The following SLC30A8 variants were observed in gnomAD, a reference collection of about 807,000 sequenced individuals.
SLC30A8 encodes solute carrier family 30 member 8.
SLC30A8 carries 27 observed loss-of-function variants against 36.9 expected under a neutral mutation model. The observed-to-expected ratio is 0.73, with a 90% confidence interval of 0.54 to 1.01. The LOEUF (loss-of-function observed/expected upper bound fraction) is 1.01. Ranked by LOEUF, SLC30A8 falls within the 50% of genes least tolerant of loss-of-function variation. The probability of loss-of-function intolerance (pLI) is 0.00; values close to 1 mark genes in which losing one functional copy is unlikely to be tolerated. For missense variants in SLC30A8, 439 were observed against 452.0 expected (o/e 0.97, Z 0.26); for synonymous variants, 164 against 172.4 (o/e 0.95, Z 0.38).
chr8:116,969,313 G>A (rs1053112980), intron 1 of SLC30A8, among the ~76,000 whole-genome samples: 8 of 152,284 alleles, frequency 5.3e-5, no homozygotes, highest in African/African-American at 1.9e-4. Flanking sequence ...AGCTATTCGG[G>A]AGGCTGAGGC....
intron 1 of SLC30A8, among the ~76,000 whole-genome samples, chr8:117,137,659 C>T (rs986771883): frequency 6.6e-6 from 1 of 151,946 alleles, no homozygotes; most frequent in Non-Finnish European, 1.5e-5. Flanking sequence ...GGTCTTAATT[C>T]TTCTTCCCAT....
At chr8:116,996,603 A>G (rs549868034) in intron 1 of SLC30A8, among the ~76,000 whole-genome samples, 1 of 152,162 alleles carries the variant, frequency 6.6e-6, no homozygotes, top group South Asian at 2.1e-4. Flanking sequence ...CTCCCTGAGC[A>G]GGAAGGGTGA....
intron 2 of SLC30A8, among the ~76,000 whole-genome samples, chr8:117,119,356 C>T (rs955798131): frequency 1.3e-5 from 2 of 151,780 alleles, no homozygotes; most frequent in Non-Finnish European, 2.9e-5. Flanking sequence ...TGCTTTTTTC[C>T]CCCATCTTCA....
chr8:117,084,316 A>G (rs539350296), intron 2 of SLC30A8, among the ~76,000 whole-genome samples: 1 of 152,300 alleles, frequency 6.6e-6, no homozygotes, highest in South Asian at 2.1e-4. Flanking sequence ...CTGGTACCAC[A>G]TTAGGAAACC....
At chr8:117,072,570 T>C (rs1158111529) in intron 2 of SLC30A8, among the ~76,000 whole-genome samples, 2 of 152,220 alleles carry the variant, frequency 1.3e-5, no homozygotes, top group Non-Finnish European at 2.9e-5. Context: ...TATTTCTTTC[T>C]TACTTTAAGT....
chr8:117,090,262 A>G (rs757932079), intron 2 of SLC30A8, among the ~76,000 whole-genome samples: 1 of 152,120 alleles, frequency 6.6e-6, no homozygotes, highest in Non-Finnish European at 1.5e-5. Context: ...GCACCTGGCC[A>G]ACTCCTAATA....
chr8:117,152,171 A>C (rs1230227763), intron 2 of SLC30A8, among the ~76,000 whole-genome samples: 6 of 152,246 alleles, frequency 3.9e-5, no homozygotes, highest in Non-Finnish European at 7.3e-5. Flanking sequence ...TAGTAAGAGC[A>C]ATAAAGGTTA....
intron 2 of SLC30A8, among the ~76,000 whole-genome samples, chr8:117,043,866 G>A (rs1817464694): frequency 6.6e-6 from 1 of 152,196 alleles, no homozygotes; most frequent in Non-Finnish European, 1.5e-5. Flanking sequence ...ATTTCAGTAT[G>A]TTTTTTAGTT....
chr8:116,952,575 G>C lies in SLC30A8; in HGVS notation c.-266+1456G>C, dbSNP rs368414352. Among the ~76,000 whole-genome samples, 7 of 152,178 alleles carry C rather than the reference G, an allele frequency of 4.6e-5. No individual in the cohort carries two copies. In the East Asian group the frequency reaches 1.2e-3, roughly 25 times the overall value. On this transcript the variant is annotated intron_variant, in intron 1 of 10. Coordinates refer to the SLC30A8 transcript ENST00000427715. ...TTCTCCTGCCTCAGCCTCCCGAGTAGCTGGGATTACAGGTGCTCACCACCA... is the reference window on the plus strand; with the variant it reads ...TTCTCCTGCCTCAGCCTCCCGAGTACCTGGGATTACAGGTGCTCACCACCA...
At chr8:116,991,208 C>A (rs1397217988) in intron 1 of SLC30A8, among the ~76,000 whole-genome samples, 3 of 152,182 alleles carry the variant, frequency 2.0e-5, no homozygotes, top group Non-Finnish European at 4.4e-5. Flanking sequence ...CTTTTACTCT[C>A]AAATACTCAT....
chr8:117,163,555 C>A (rs1362022226), intron 6 of SLC30A8, 25 bp downstream of exon 6: 1 of 1,533,756 alleles, frequency 6.5e-7, no homozygotes, highest in Non-Finnish European at 9.0e-7. Flanking sequence ...ATTATTACTC[C>A]CAGAGTCAGT....
At chr8:117,162,390 T>C (rs1424482950) in intron 5 of SLC30A8, among the ~76,000 whole-genome samples, 5 of 152,086 alleles carry the variant, frequency 3.3e-5, no homozygotes, top group Admixed American at 6.6e-5. Flanking sequence ...GAGCACCTGA[T>C]TTATTGTTCC....
chr8:117,168,942 T>G (rs1823214737), intron 6 of SLC30A8, among the ~76,000 whole-genome samples: 1 of 152,204 alleles, frequency 6.6e-6, no homozygotes, highest in Admixed American at 6.5e-5. Context: ...ATTGTAACCT[T>G]AATAACTAGC....
At chr8:117,023,422 A>G (rs1816771186) in intron 1 of SLC30A8, among the ~76,000 whole-genome samples, 1 of 152,200 alleles carries the variant, frequency 6.6e-6, no homozygotes, top group African/African-American at 2.4e-5. Context: ...ACATGCACAC[A>G]TTTGTTTATT....
intron 2 of SLC30A8, among the ~76,000 whole-genome samples, chr8:117,089,379 C>T (rs991913191): frequency 1.3e-5 from 2 of 152,156 alleles, no homozygotes; most frequent in Non-Finnish European, 2.9e-5. Flanking sequence ...CCCATCTCCC[C>T]AAACAAGATT....
intron 2 of SLC30A8, among the ~76,000 whole-genome samples, chr8:117,063,170 G>A (rs1408495696): frequency 2.6e-5 from 4 of 152,182 alleles, no homozygotes. Context: ...TTGGATGGCT[G>A]CTCACCTTCT....
At chr8:117,155,810 T>C (rs1325473722) in intron 3 of SLC30A8, among the ~76,000 whole-genome samples, 1 of 152,180 alleles carries the variant, frequency 6.6e-6, no homozygotes, top group Admixed American at 6.5e-5. Context: ...GCCTCTCTCT[T>C]AGCTTCTGGT....
intron 1 of SLC30A8, among the ~76,000 whole-genome samples, chr8:117,036,108 T>C (rs557389886): frequency 8.2e-4 from 115 of 140,822 alleles, no homozygotes; most frequent in Non-Finnish European, 1.4e-3. Flanking sequence ...CCAGTTTGAA[T>C]TCCCCCCCCC....
In SLC30A8 at chr8:117,117,089, T is replaced by A. The variant is rs547675290; in HGVS notation, c.-225-18191T>A. On this transcript the variant is annotated intron_variant, in intron 2 of 10. Coordinates refer to the SLC30A8 transcript ENST00000427715. Reference sequence around the variant, plus strand: ...TTGTAGCTATCAGCATTTTTGTCTTTCCGAGGAAAGACCCATCTTTAGAAT... The same window carrying A: ...TTGTAGCTATCAGCATTTTTGTCTTACCGAGGAAAGACCCATCTTTAGAAT... 2.0e-5 allele frequency among the ~76,000 whole-genome samples: 3 copies of A among 152,106 alleles called. No homozygotes were observed. The South Asian group carries it at 6.2e-4, about 32-fold the overall frequency.
Sources: allele counts gnomAD v4.1 joint callset (sites outside exome capture counted in the v4.1 genomes callset), GRCh38; gene constraint gnomAD v4.1.1; transcripts MANE v1.5; gene names NCBI Gene and HGNC (gene_info 2026-07-23, HGNC 2026-07-21).